The following GREP1 variants were observed in gnomAD, a reference collection of about 807,000 sequenced individuals.
GREP1 encodes glycine rich extracellular protein 1.
At chr16:2,998,652 TC>T (rs1300178401) in intron 25 of GREP1, 129 bp downstream of exon 23, 6 of 397,948 alleles carry the variant, frequency 1.5e-5, no homozygotes, top group Non-Finnish European at 1.8e-5. Flanking sequence ...CCTGCCTGGA[TC>T]CCCAGGTCCC....
In GREP1 at chr16:2,997,312, G is replaced by A. The variant is rs2072430517; in HGVS notation, c.887-77G>A. On this transcript the variant is annotated intron_variant, in intron 21 of 34. Transcript: ENST00000573315. ...GATCCCTGGTTTCTGACTTGGCTCT[G>A]AAAGGGGATCCAAAGGCCCTTCGCC... 1.0e-5 allele frequency: 4 copies of A among 398,622 alleles called. 1 individual carries two copies. The highest frequency in any genetic ancestry group is 4.1e-5 in the African/African-American group (2 of 48,724). 24.7% of individuals were successfully genotyped at this position (398,622 alleles called of 1,614,324 possible).
At chr16:3,001,809 C>G (rs1335171932) in exon 35 of GREP1, 1 of 395,080 alleles carries the variant, frequency 2.5e-6, no homozygotes, top group Non-Finnish European at 4.5e-6. Flanking sequence ...TCAATGAGGC[C>G]ATGTGCCAGG....
At chr16:2,997,655 C>T (rs1372741836) in intron 22 of GREP1, 148 bp from the exon 21 acceptor site, 8 of 397,774 alleles carry the variant, frequency 2.0e-5, no homozygotes, top group Admixed American at 4.4e-5. Flanking sequence ...CTCCCCATGC[C>T]GCCCCCACAG....
chr16:2,990,119 C>A (rs1262000988), exon 5 of GREP1: 2 of 399,152 alleles, frequency 5.0e-6, no homozygotes, highest in Non-Finnish European at 8.8e-6. Flanking sequence ...GGGAACCCAG[C>A]CAGGTGAGAG....
rs879179313 is a variant in GREP1 at position 2,996,962 on chromosome 16, G to A, written c.763G>A (p.Gly255Ser). The change falls in exon 21 of 35, where the codon GGC (glycine) becomes AGC (serine). Residue 255 changes from glycine to serine, a missense_variant. Gly to Ser is a moderately conservative substitution (Grantham distance 56). Coordinates refer to ENST00000573315, the Ensembl canonical transcript of GREP1. The stretch of plus-strand genomic sequence containing the variant: ...CCCCACAGGCCTGGGAGCTCCAAAC[G>A]GCTATGGACCAGGAAGGGGCAGGGC... 2.0e-5 allele frequency: 8 copies of A among 399,156 alleles called. No homozygotes were observed. In the South Asian group the frequency reaches 6.4e-4, roughly 32 times the overall value. 24.7% of individuals were successfully genotyped at this position (399,156 alleles called of 1,614,324 possible). A position where few individuals can be genotyped will look rare whatever the true frequency, so the allele number is the denominator to read the frequency against.
intron 2 of GREP1, 69 bp downstream of exon 2, chr16:2,988,691 C>A: frequency 2.5e-6 from 1 of 398,882 alleles, no homozygotes. Flanking sequence ...GGTGTGGGAG[C>A]TCTCTGGGAC....
Position 2,995,781 on chromosome 16 carries a change from G to C in GREP1, c.622+10G>C. The C allele has an allele frequency of 1.0e-5, 4 of 398,572 alleles. No individual in the cohort carries two copies. Among genetic ancestry groups the C allele is most frequent in the Non-Finnish European group, 1.8e-5 (4 of 226,108 alleles). The allele number at this position is 398,572 out of a possible 1,614,324, so 24.7% of individuals were successfully genotyped here. A position where few individuals can be genotyped will look rare whatever the true frequency, so the allele number is the denominator to read the frequency against. ...AAGCCTCTGAAGCCAGGTGAGCCCCGCCCGCCCTGGTCTGCCTCTCTATGC... is the reference window on the plus strand; with the variant it reads ...AAGCCTCTGAAGCCAGGTGAGCCCCCCCCGCCCTGGTCTGCCTCTCTATGC... On this transcript the variant is annotated intron_variant, in intron 17 of 34. Transcript: ENST00000573315.
At chr16:2,997,231 C>T in intron 21 of GREP1, 146 bp downstream of exon 20, 1 of 398,918 alleles carries the variant, frequency 2.5e-6, no homozygotes, top group Admixed American at 4.4e-5. Context: ...CCCTGTCTCC[C>T]TCCCAGGCCT....
rs568448568 is a variant in GREP1, at chr16:3,000,699, C to T, written c.1418-15C>T. Reference sequence around the variant, plus strand: ...CTGTGGGCAAGGGTACCCCTGCCAGCTCTCCTCCCCACAGGGCAGGCCGGG... The same window carrying T: ...CTGTGGGCAAGGGTACCCCTGCCAGTTCTCCTCCCCACAGGGCAGGCCGGG... On this transcript the variant is annotated splice_polypyrimidine_tract_variant and intron_variant, in intron 32 of 34. Transcript: ENST00000573315. The T allele has an allele frequency of 1.8e-5, 7 of 398,974 alleles. No individual in the cohort carries two copies. In the East Asian group the frequency reaches 2.5e-4, roughly 14 times the overall value. 24.7% of individuals were successfully genotyped at this position (398,974 alleles called of 1,614,324 possible). A position where few individuals can be genotyped will look rare whatever the true frequency, so the allele number is the denominator to read the frequency against.
In GREP1 at chr16:2,989,931, A is replaced by C. The variant is rs982284374; in HGVS notation, c.131-43A>C. The C allele has an allele frequency of 2.3e-5, 9 of 398,444 alleles. No homozygotes were observed. The highest frequency in any genetic ancestry group is 1.7e-4 in the African/African-American group (8 of 48,434). The allele number at this position is 398,444 out of a possible 1,614,324, so 24.7% of individuals were successfully genotyped here. ...GTGGGCCAGGTGTGGGGCTCTGGGG[A>C]GATCCTGGGGGAGGGGTGTCCCTCA... On this transcript the variant is annotated intron_variant, in intron 3 of 34. Coordinates refer to ENST00000573315, the Ensembl canonical transcript of GREP1. The surrounding 1 kb of genome is among the most constrained non-coding windows in gnomAD (Gnocchi z 4.2).
intron 1 of GREP1, 28 bp downstream of exon 1, chr16:2,988,368 T>G (rs1262819884): frequency 1.3e-5 from 5 of 398,392 alleles, no homozygotes; most frequent in Non-Finnish European, 2.2e-5. Flanking sequence ...GGGCTGGGGG[T>G]TGGAGAATGG....
exon 33 of GREP1, chr16:3,000,722 G>A (rs959825870): frequency 1.0e-5 from 4 of 399,028 alleles, no homozygotes; most frequent in East Asian, 7.1e-5. Context: ...AGGGCAGGCC[G>A]GGGTGCTGTG....
At chr16:2,996,834 G>A (rs759383054) in intron 20 of GREP1, 129 bp downstream of exon 19, 54 of 398,898 alleles carry the variant, frequency 1.4e-4, no homozygotes, top group South Asian at 2.6e-4. Context: ...TAGGAGCACC[G>A]AGGACCGAGG....
At chr16:2,988,291 C>G (rs1045838752) in exon 1 of GREP1, 1 of 399,134 alleles carries the variant, frequency 2.5e-6, no homozygotes, top group African/African-American at 2.1e-5. Context: ...GCGCCTGGGC[C>G]TTCCCCGCAG....
In GREP1 at chr16:2,998,795, G is replaced by C. The variant is rs370483168; in HGVS notation, c.1013-53G>C. The C allele has an allele frequency of 4.5e-4, 179 of 399,006 alleles. 1 individual carries two copies. The highest frequency in any genetic ancestry group is 3.4e-3 in the African/African-American group (165 of 48,754). The allele number at this position is 399,006 out of a possible 1,614,324, so 24.7% of individuals were successfully genotyped here. A position where few individuals can be genotyped will look rare whatever the true frequency, so the allele number is the denominator to read the frequency against. ...AGGCCAAGGCCTCCTGGGTGGCGTCGGTGAGGACTGGCCTGGAGCATAGCC... is the reference window on the plus strand; with the variant it reads ...AGGCCAAGGCCTCCTGGGTGGCGTCCGTGAGGACTGGCCTGGAGCATAGCC... On this transcript the variant is annotated intron_variant, in intron 25 of 34. Transcript: ENST00000573315.
chr16:2,989,640 G>T lies in GREP1; in HGVS notation c.130+88G>T. ...GACAGGAACAGGGAAAGCTGGGCGG[G>T]GGGCAGGTAAAGGGGGAAGCAGTCG... is the stretch of plus-strand genomic sequence containing the variant. On this transcript the variant is annotated intron_variant, in intron 3 of 34. Transcript: ENST00000573315. The surrounding 1 kb of genome is among the most constrained non-coding windows in gnomAD (Gnocchi z 4.2). 2.5e-6 allele frequency: 1 copy of T among 399,640 alleles called. No homozygotes were observed. Among genetic ancestry groups the T allele is most frequent in the South Asian group, 1.3e-4 (1 of 7,818 alleles). The allele number at this position is 399,640 out of a possible 1,614,324, so 24.8% of individuals were successfully genotyped here. A position where few individuals can be genotyped will look rare whatever the true frequency, so the allele number is the denominator to read the frequency against.
intron 2 of GREP1, 60 bp downstream of exon 2, chr16:2,988,682 G>T (rs956387411): frequency 1.0e-5 from 4 of 398,844 alleles, no homozygotes; most frequent in Non-Finnish European, 1.8e-5. Context: ...TGCCCTGGGG[G>T]TGTGGGAGCT....
chr16:2,989,647 G>T lies in GREP1; in HGVS notation c.130+95G>T. On this transcript the variant is annotated intron_variant, in intron 3 of 34. Coordinates refer to ENST00000573315, the Ensembl canonical transcript of GREP1. The surrounding 1 kb of genome is among the most constrained non-coding windows in gnomAD (Gnocchi z 4.2). ...ACAGGGAAAGCTGGGCGGGGGGCAG[G>T]TAAAGGGGGAAGCAGTCGTCTCAGA... The T allele has an allele frequency of 2.5e-6, 1 of 398,456 alleles. No individual in the cohort carries two copies. The allele number at this position is 398,456 out of a possible 1,614,324, so 24.7% of individuals were successfully genotyped here.
rs139121921 is a variant in GREP1 at position 2,996,437 on chromosome 16, T to TC, written c.677-57dup. On this transcript the variant is annotated intron_variant, in intron 18 of 34. Transcript: ENST00000573315. ...CCCCCGCCCTGTCTCTAGGGCTGCGTCCTCCTGACACCCCCTCCGAATGCC... is the reference window on the plus strand; with the variant it reads ...CCCCCGCCCTGTCTCTAGGGCTGCGTCCCTCCTGACACCCCCTCCGAATGCC... 4.7e-4 allele frequency: 188 copies of TC among 398,700 alleles called. 4 individuals are homozygous for TC. In the East Asian group the frequency reaches 6.1e-3, roughly 13 times the overall value. The allele number at this position is 398,700 out of a possible 1,614,324, so 24.7% of individuals were successfully genotyped here.
Sources: allele counts gnomAD v4.1 joint callset, GRCh38; gene constraint gnomAD v4.1.1; non-coding constraint Gnocchi (gnomAD v3.1); transcripts MANE v1.5; gene names NCBI Gene and HGNC (gene_info 2026-07-23, HGNC 2026-07-21).